CUL5: variants seen among roughly 807,000 people sequenced by gnomAD.
The protein encoded by CUL5 is cullin-5.
CUL5 carries 26 observed loss-of-function variants against 108.8 expected under a neutral mutation model. The ratio of observed to expected loss-of-function variants is 0.24; its 90% CI spans 0.18 to 0.33. The LOEUF (loss-of-function observed/expected upper bound fraction) is 0.33, where lower values mean the gene tolerates loss of function less well. CUL5 is among the 10% of genes least tolerant of loss of function. The pLI, the probability that CUL5 is intolerant of heterozygous loss-of-function variation, is 1.00. For synonymous variants in CUL5, 334 were observed against 298.0 expected, an observed-to-expected ratio of 1.12 and a Z score of -1.25; for missense variants, 524 against 909.2, an observed-to-expected ratio of 0.58 and a Z score of 5.45.
At position 108,097,811 on chromosome 11, in the gene CUL5, T is replaced by C. The variant is rs550756639; in HGVS notation, c.2024+57T>C. 7.4e-4 allele frequency: 696 copies of C among 939,146 alleles called. 4 individuals are homozygous for C. Among genetic ancestry groups the C allele is most frequent in the Non-Finnish European group, 1.5e-4 (89 of 590,696 alleles). The allele number at this position is 939,146 out of a possible 1,614,324, so 58.2% of individuals were successfully genotyped here. ...ACCTTGTTTGAATTTTAGCACTTTG[T>C]TTTTTGCAAAATAATTGTTTTCCTT... On this transcript the variant is annotated intron_variant, in intron 17 of 18. Transcript: ENST00000393094.
At chr11:108,031,742 C>G (rs1862588310) in intron 1 of CUL5, among the ~76,000 whole-genome samples, 1 of 152,276 alleles carries the variant, frequency 6.6e-6, no homozygotes, top group Admixed American at 6.5e-5. Flanking sequence ...CAGCACTGTT[C>G]ACTCTAACAA....
At chr11:108,041,673 C>T (rs1862918904) in intron 2 of CUL5, among the ~76,000 whole-genome samples, 1 of 152,050 alleles carries the variant, frequency 6.6e-6, no homozygotes, top group Admixed American at 6.6e-5. Context: ...TCACTGCAAC[C>T]TCTGCCTCCT....
intron 18 of CUL5, among the ~76,000 whole-genome samples, chr11:108,099,983 G>A (rs539614185): frequency 4.0e-5 from 6 of 151,234 alleles, no homozygotes; most frequent in East Asian, 1.9e-4. Context: ...CACATGCCAC[G>A]GCACCTGGCA....
chr11:108,009,868 C>T (rs772034997), intron 1 of CUL5, among the ~76,000 whole-genome samples: 1 of 152,144 alleles, frequency 6.6e-6, no homozygotes, highest in Non-Finnish European at 1.5e-5. Flanking sequence ...TCCCACTCCA[C>T]CCCCCTTCCT....
chr11:108,042,391 G>T (rs1862947799), intron 2 of CUL5, among the ~76,000 whole-genome samples: 1 of 151,584 alleles, frequency 6.6e-6, no homozygotes, highest in Admixed American at 6.6e-5. Flanking sequence ...GCTAATTTTT[G>T]TATTTTTTTT....
At chr11:108,065,744 A>G (rs1019963226) in intron 7 of CUL5, among the ~76,000 whole-genome samples, 10 of 152,318 alleles carry the variant, frequency 6.6e-5, no homozygotes, top group African/African-American at 2.4e-4. Flanking sequence ...AGTGACATGA[A>G]GTTAAAACCA....
At position 108,105,929 on chromosome 11, in the gene CUL5, G is replaced by T. The variant is rs963002314; in HGVS notation, c.*1545G>T. On this transcript the variant is annotated 3_prime_UTR_variant, in exon 19 of 19. Coordinates refer to ENST00000393094, the MANE Select transcript of CUL5 (RefSeq NM_003478.6). The stretch of plus-strand genomic sequence containing the variant: ...CTGTCCCCATCCGAAGAGGCTTTGT[G>T]AACTGCCTGCTGAATGGAAGGAAAG... 1.3e-5 allele frequency: 2 copies of T among 152,128 alleles called. No individual in the cohort carries two copies. Among genetic ancestry groups the T allele is most frequent in the Admixed American group, 1.3e-4 (2 of 15,240 alleles). The allele number at this position is 152,128 out of a possible 1,614,324, so 9.4% of individuals were successfully genotyped here.
At chr11:108,015,883 A>G (rs1272386801) in intron 1 of CUL5, among the ~76,000 whole-genome samples, 1 of 152,162 alleles carries the variant, frequency 6.6e-6, no homozygotes, top group Non-Finnish European at 1.5e-5. Context: ...AGGTAGAAAG[A>G]GGATACTAGG....
intron 2 of CUL5, among the ~76,000 whole-genome samples, chr11:108,035,928 T>C (rs1229701075): frequency 6.6e-6 from 1 of 152,178 alleles, no homozygotes. Flanking sequence ...AGTTAGTGTC[T>C]TGTCTTTGGC....
chr11:108,009,613 G>A (rs1862010006), intron 1 of CUL5, among the ~76,000 whole-genome samples: 1 of 152,142 alleles, frequency 6.6e-6, no homozygotes, highest in South Asian at 2.1e-4. Context: ...GAGCGCTGGC[G>A]AGGAGCGATG....
chr11:108,101,127 T>G (rs1177743208), intron 18 of CUL5, among the ~76,000 whole-genome samples: 2 of 152,262 alleles, frequency 1.3e-5, no homozygotes, highest in African/African-American at 4.8e-5. Flanking sequence ...CCCATAATTA[T>G]GTACAATCCA....
intron 13 of CUL5, among the ~76,000 whole-genome samples, chr11:108,091,242 C>T (rs1216429691): frequency 2.6e-5 from 4 of 151,774 alleles, no homozygotes; most frequent in South Asian, 2.1e-4. Context: ...AGTAGAGACA[C>T]GGTTTTGCAT....
chr11:108,027,302 C>A (rs539250111), intron 1 of CUL5, among the ~76,000 whole-genome samples: 73 of 150,974 alleles, frequency 4.8e-4, no homozygotes, highest in African/African-American at 1.7e-3. Context: ...GAGACAGTCT[C>A]CCCCTGCTGT....
intron 7 of CUL5, among the ~76,000 whole-genome samples, chr11:108,062,829 CTGTTTT>C (rs912084263): frequency 2.7e-4 from 41 of 152,006 alleles, no homozygotes; most frequent in South Asian, 4.2e-4. Context: ...TTTATTCATT[CTGTTTT>C]TGTTTTTGTT....
intron 8 of CUL5, among the ~76,000 whole-genome samples, chr11:108,070,787 T>C (rs958779683): frequency 6.6e-6 from 1 of 152,230 alleles, no homozygotes; most frequent in Non-Finnish European, 1.5e-5. Context: ...CTACTGAGTT[T>C]CCAGGTTTTA....
Position 108,105,377 on chromosome 11 carries a change from T to A in CUL5, c.*993T>A, listed in dbSNP as rs1864770306. ...CTGTAGCATAGAAGTATTTTGGTAT[T>A]TTAAGGTCTCATGATTAGGGATTTG... On this transcript the variant is annotated 3_prime_UTR_variant, in exon 19 of 19. Coordinates refer to ENST00000393094, the MANE Select transcript of CUL5 (RefSeq NM_003478.6). 1.3e-5 allele frequency: 2 copies of A among 152,514 alleles called. No homozygotes were observed. The highest frequency in any genetic ancestry group is 2.9e-5 in the Non-Finnish European group (2 of 67,998). The allele number at this position is 152,514 out of a possible 1,614,324, so 9.4% of individuals were successfully genotyped here. A position where few individuals can be genotyped will look rare whatever the true frequency, so the allele number is the denominator to read the frequency against.
At chr11:108,040,203 G>T (rs1862859148) in intron 2 of CUL5, among the ~76,000 whole-genome samples, 2 of 152,190 alleles carry the variant, frequency 1.3e-5, no homozygotes, top group Non-Finnish European at 2.9e-5. Flanking sequence ...TTTGGGGCTG[G>T]ATGTGATGGC....
At chr11:108,099,082 G>T (rs1864575560) in intron 18 of CUL5, among the ~76,000 whole-genome samples, 1 of 143,514 alleles carries the variant, frequency 7.0e-6, no homozygotes, top group Non-Finnish European at 1.5e-5. Flanking sequence ...TTAACTCACT[G>T]CAGCCTCAAC....
At chr11:108,073,017 A>G (rs906897611) in intron 9 of CUL5, among the ~76,000 whole-genome samples, 1 of 152,080 alleles carries the variant, frequency 6.6e-6, no homozygotes, top group Admixed American at 6.6e-5. Context: ...CCTGGCTAAC[A>G]TGGTGAAACC....
Sources: allele counts gnomAD v4.1 joint callset (sites outside exome capture counted in the v4.1 genomes callset), GRCh38; gene constraint gnomAD v4.1.1; transcripts MANE v1.5; gene names NCBI Gene and HGNC (gene_info 2026-07-23, HGNC 2026-07-21).